The following TOM1L2 variants were observed in gnomAD, a reference collection of about 807,000 sequenced individuals.
The protein encoded by TOM1L2 is target of myb1 like 2 membrane trafficking protein.
Under a neutral mutation model 67.9 loss-of-function variants are expected in TOM1L2, and 31 were observed. The observed-to-expected ratio is 0.46, with a 90% CI of 0.34 to 0.62. TOM1L2 has a LOEUF of 0.62. TOM1L2 is among the 20% of genes least tolerant of loss of function. The pLI, the probability that TOM1L2 is intolerant of heterozygous loss-of-function variation, is 0.01. For missense variants in TOM1L2, 606 were observed against 663.5 expected (o/e 0.91, Z 0.95); for synonymous variants, 256 against 254.0 (o/e 1.01, Z -0.07).
rs1396469646 is a variant in TOM1L2 at position 17,879,204 on chromosome 17, G to A, written c.777+423C>T. 2.0e-5 allele frequency among the ~76,000 whole-genome samples: 3 copies of A among 152,198 alleles called. No individual in the cohort carries two copies. In the East Asian group the frequency reaches 5.8e-4, roughly 29 times the overall value. The stretch of plus-strand genomic sequence containing the variant: ...GGTTGAACAGGCCCTCCTGCAAAAT[G>A]TGATGTTGAGGGACCAAAATACAGA... On this transcript the variant is annotated intron_variant, in intron 7 of 14. Transcript: ENST00000379504.
chr17:17,961,113 A>T lies in TOM1L2; in HGVS notation c.52+11149T>A, dbSNP rs115304353. 6.6e-3 allele frequency among the ~76,000 whole-genome samples: 999 copies of T among 152,334 alleles called. 11 individuals are homozygous for T. The highest frequency in any genetic ancestry group is 0.021 in the African/African-American group (887 of 41,582). ...AACAAAACCCAATTAAAAACTAGGC[A>T]CAGGACTTGAACAGACATTTCTCCA... On this transcript the variant is annotated intron_variant, in intron 1 of 14. Transcript: ENST00000379504.
chr17:17,869,230 T>A (rs769772666), intron 8 of TOM1L2, 110 bp downstream of exon 8: 19 of 1,540,776 alleles, frequency 1.2e-5, no homozygotes, highest in South Asian at 1.2e-5. Context: ...ATTTTCCAAC[T>A]CTAATCTCTC....
Position 17,898,665 on chromosome 17 carries a change from A to G in TOM1L2, c.147T>C (p.Asp49=). ...GCCGCTTCTTCAGGGCTCGAATGGCATCCTTTGGCCTGGAAAAAAGAACAG... is the reference window on the plus strand; with the variant it reads ...GCCGCTTCTTCAGGGCTCGAATGGCGTCCTTTGGCCTGGAAAAAAGAACAG... ...IINETEEGPK[D]AIRALKKRLN... Residue 49 remains aspartate, a synonymous_variant, in exon 3 of 15, where the codon GAT becomes GAC. Transcript: ENST00000379504. 2 of 1,614,228 alleles carry G rather than the reference A, an allele frequency of 1.2e-6. No individual in the cohort carries two copies. The highest frequency in any genetic ancestry group is 1.7e-6 in the Non-Finnish European group (2 of 1,180,034).
intron 12 of TOM1L2, among the ~76,000 whole-genome samples, chr17:17,860,406 T>C (rs963166941): frequency 2.0e-5 from 3 of 152,136 alleles, no homozygotes; most frequent in African/African-American, 7.2e-5. Context: ...TGGTGACCAG[T>C]GCAGAGGGAT....
intron 12 of TOM1L2, among the ~76,000 whole-genome samples, chr17:17,856,055 A>C (rs1235982132): frequency 6.6e-6 from 1 of 152,130 alleles, no homozygotes; most frequent in Non-Finnish European, 1.5e-5. Context: ...CTGGAGCTCT[A>C]CGTGGGACCT....
chr17:17,933,745 A>C (rs2040418093), intron 1 of TOM1L2, among the ~76,000 whole-genome samples: 1 of 152,194 alleles, frequency 6.6e-6, no homozygotes, highest in Non-Finnish European at 1.5e-5. Flanking sequence ...GTCACCCAGA[A>C]AACCCACTCG....
intron 12 of TOM1L2, among the ~76,000 whole-genome samples, chr17:17,852,693 C>A (rs919320500): frequency 6.6e-6 from 1 of 151,974 alleles, no homozygotes; most frequent in Non-Finnish European, 1.5e-5. Flanking sequence ...GGGAGAAACC[C>A]AGTCTCTACT....
chr17:17,939,451 A>T (rs1263974963), intron 1 of TOM1L2, among the ~76,000 whole-genome samples: 2 of 152,252 alleles, frequency 1.3e-5, no homozygotes, highest in Non-Finnish European at 2.9e-5. Context: ...ATTACATTTT[A>T]AAAGTACAAT....
At chr17:17,970,716 T>C (rs1038200782) in intron 1 of TOM1L2, among the ~76,000 whole-genome samples, 2 of 152,168 alleles carry the variant, frequency 1.3e-5, no homozygotes, top group South Asian at 4.1e-4. Context: ...TCCTAAATGC[T>C]AATTAGCCAA....
chr17:17,936,697 T>A (rs1169636527), intron 1 of TOM1L2, among the ~76,000 whole-genome samples: 8 of 152,180 alleles, frequency 5.3e-5, no homozygotes, highest in Non-Finnish European at 1.0e-4. Context: ...TGTTTTTTAA[T>A]TAAAAATGAT....
intron 2 of TOM1L2, among the ~76,000 whole-genome samples, chr17:17,899,241 C>G (rs1241435584): frequency 5.9e-5 from 9 of 152,202 alleles, no homozygotes; most frequent in Non-Finnish European, 1.3e-4. Context: ...ATATGAGAGA[C>G]ACAGAAGAGA....
chr17:17,876,310 G>A (rs527494790), intron 7 of TOM1L2, among the ~76,000 whole-genome samples: 43 of 152,308 alleles, frequency 2.8e-4, no homozygotes, highest in South Asian at 6.2e-4. Context: ...TGACGCAGCA[G>A]GGTTTTCAGC....
chr17:17,956,843 G>A (rs111846807), intron 1 of TOM1L2, among the ~76,000 whole-genome samples: 5,783 of 152,168 alleles, frequency 0.038, 387 homozygotes, highest in African/African-American at 0.13. Flanking sequence ...GTTCCCGCCC[G>A]CGCCTCTCCC....
chr17:17,864,615 G>A (rs558824786), intron 10 of TOM1L2, among the ~76,000 whole-genome samples: 11 of 151,654 alleles, frequency 7.3e-5, no homozygotes, highest in East Asian at 5.8e-4. Context: ...GGGTTCAAGC[G>A]ATCCTCCTGC....
intron 1 of TOM1L2, among the ~76,000 whole-genome samples, chr17:17,920,701 C>A (rs1206561043): frequency 6.6e-6 from 1 of 151,998 alleles, no homozygotes; most frequent in Non-Finnish European, 1.5e-5. Context: ...GTGGTGCGAT[C>A]TCGGCTCACT....
At chr17:17,955,690 G>A (rs976133365) in intron 1 of TOM1L2, among the ~76,000 whole-genome samples, 2 of 152,164 alleles carry the variant, frequency 1.3e-5, no homozygotes, top group Non-Finnish European at 2.9e-5. Context: ...ACCCAGGCTA[G>A]AGTGTGTCCA....
At chr17:17,868,714 G>A (rs1057280010) in intron 8 of TOM1L2, among the ~76,000 whole-genome samples, 1 of 152,126 alleles carries the variant, frequency 6.6e-6, no homozygotes, top group African/African-American at 2.4e-5. Context: ...CCTGAGGGAA[G>A]GCTTTGGAAA....
At chr17:17,894,001 AG>A (rs2038427947) in intron 3 of TOM1L2, among the ~76,000 whole-genome samples, 191 bp from the exon 4 acceptor site, 1 of 152,212 alleles carries the variant, frequency 6.6e-6, no homozygotes, top group South Asian at 2.1e-4. Flanking sequence ...GGATGACAGC[AG>A]CCCCTTACTG....
rs368777753 is a variant in TOM1L2 at position 17,848,794 on chromosome 17, G to A, written c.1375+29C>T. 27 of 1,613,412 alleles carry A rather than the reference G, an allele frequency of 1.7e-5. No homozygotes were observed. The African/African-American group carries it at 2.1e-4, about 13-fold the overall frequency. On this transcript the variant is annotated intron_variant, in intron 14 of 14. Transcript: ENST00000379504. ...CAGCCTGCACAGAGGCAACAAAAGG[G>A]GGCTGTAAGGCCACTGGCCAGGCCA...
Sources: allele counts gnomAD v4.1 joint callset (sites outside exome capture counted in the v4.1 genomes callset), GRCh38; gene constraint gnomAD v4.1.1; transcripts MANE v1.5; gene names NCBI Gene and HGNC (gene_info 2026-07-23, HGNC 2026-07-21).